Variants in STK32A observed in about 807,000 individuals in gnomAD.
STK32A encodes serine/threonine kinase 32A.
In STK32A, 41 loss-of-function variants were observed where a neutral mutation model predicts 53.2. The ratio of observed to expected loss-of-function variants is 0.77; its 90% CI spans 0.60 to 1.00. The LOEUF (loss-of-function observed/expected upper bound fraction) is 1.00. Among genes scored for constraint, STK32A ranks in the 50% least tolerant of loss-of-function variants. STK32A has a pLI of 0.00. For missense variants in STK32A, 458 were observed against 485.8 expected (o/e 0.94, Z 0.54); for synonymous variants, 166 against 162.8 (o/e 1.02, Z -0.15).
At chr5:147,313,251 T>TAAC (rs916903427) in intron 4 of STK32A, among the ~76,000 whole-genome samples, 8 of 151,470 alleles carry the variant, frequency 5.3e-5, no homozygotes, top group African/African-American at 1.9e-4. Context: ...CAAAACAAAA[T>TAAC]AACAACAACA....
the STK32A span, chr5:147,400,976 A>G: frequency 1.8e-6 from 2 of 1,116,620 alleles, no homozygotes; most frequent in Non-Finnish European, 2.4e-6. Flanking sequence ...TAGATATATG[A>G]GCTTGGATGA....
At chr5:147,334,872 TC>T (rs762758442) in intron 5 of STK32A, among the ~76,000 whole-genome samples, 2 of 152,110 alleles carry the variant, frequency 1.3e-5, no homozygotes, top group Non-Finnish European at 2.9e-5. Flanking sequence ...TACACAGTAG[TC>T]CCCCTTGATG....
At chr5:147,316,118 A>C (rs2400293) in intron 4 of STK32A, among the ~76,000 whole-genome samples, 35,500 of 152,084 alleles carry the variant, frequency 0.23, 4,290 homozygotes, top group African/African-American at 0.27. Context: ...GGTAATGTTG[A>C]TACTGTTATT....
At chr5:147,244,632 C>T (rs1333147982) in intron 2 of STK32A, among the ~76,000 whole-genome samples, 1 of 152,172 alleles carries the variant, frequency 6.6e-6, no homozygotes, top group Non-Finnish European at 1.5e-5. Flanking sequence ...TTATCAGACA[C>T]TGGAGTCAGT....
At chr5:147,263,381 T>G (rs75344408) in intron 2 of STK32A, among the ~76,000 whole-genome samples, 3,128 of 152,082 alleles carry the variant, frequency 0.021, 133 homozygotes, top group Admixed American at 0.093. Context: ...GTCTCCACAC[T>G]TAAATATGAG....
intron 5 of STK32A, among the ~76,000 whole-genome samples, chr5:147,324,737 T>C (rs1450310289): frequency 6.6e-6 from 1 of 152,186 alleles, no homozygotes; most frequent in Non-Finnish European, 1.5e-5. Flanking sequence ...AGAGCAGATA[T>C]AATTAGACTA....
chr5:147,393,801 G>A, the STK32A span: 2 of 543,246 alleles, frequency 3.7e-6, no homozygotes, highest in Non-Finnish European at 6.6e-6. Context: ...TTGCATGCAT[G>A]TAAATGGGGG....
chr5:147,262,422 C>T lies in STK32A; in HGVS notation c.53-15702C>T, dbSNP rs753572914. On this transcript the variant is annotated intron_variant, in intron 2 of 12. Coordinates refer to ENST00000397936, the MANE Select transcript of STK32A (RefSeq NM_001112724.2). ...CAGTGAATGATAAAGGGATTGGTACCTCTGGCTCCTATAGTTAGTTCATCC... is the reference window on the plus strand; with the variant it reads ...CAGTGAATGATAAAGGGATTGGTACTTCTGGCTCCTATAGTTAGTTCATCC... Among the ~76,000 whole-genome samples, 5 of 152,056 alleles carry T rather than the reference C, an allele frequency of 3.3e-5. 1 individual carries two copies. Among genetic ancestry groups the T allele is most frequent in the Non-Finnish European group, 7.4e-5 (5 of 68,016 alleles).
At chr5:147,289,838 A>G (rs1752518459) in intron 4 of STK32A, among the ~76,000 whole-genome samples, 1 of 152,060 alleles carries the variant, frequency 6.6e-6, no homozygotes, top group African/African-American at 2.4e-5. Context: ...TCTGTTTTTG[A>G]TCATGCATTA....
rs1753478358 is a variant in STK32A, at chr5:147,239,611, A to C, written c.-24A>C. The C allele has an allele frequency of 1.3e-6, 2 of 1,591,182 alleles. No individual in the cohort carries two copies. Among genetic ancestry groups the C allele is most frequent in the East Asian group, 4.5e-5 (2 of 44,630 alleles). On this transcript the variant is annotated 5_prime_UTR_variant, in exon 2 of 13. Coordinates refer to ENST00000397936, the MANE Select transcript of STK32A (RefSeq NM_001112724.2). ...TCTGCCCGGATAGTATAAATCGAGGATCCAGGTCTGGGCAGATTCAACCAT... is the reference window on the plus strand; with the variant it reads ...TCTGCCCGGATAGTATAAATCGAGGCTCCAGGTCTGGGCAGATTCAACCAT...
chr5:147,330,312 C>T (rs561619344), intron 5 of STK32A, among the ~76,000 whole-genome samples: 33 of 152,172 alleles, frequency 2.2e-4, no homozygotes, highest in African/African-American at 7.7e-4. Flanking sequence ...AGAAGAATAC[C>T]GTAGAGTAAG....
At chr5:147,337,041 C>T (rs62377743) in intron 5 of STK32A, among the ~76,000 whole-genome samples, 18,162 of 152,074 alleles carry the variant, frequency 0.12, 1,202 homozygotes, top group South Asian at 0.16. Flanking sequence ...CCAGGGGAGG[C>T]GCAATGAAGG....
At chr5:147,248,035 T>C (rs1978705) in intron 2 of STK32A, among the ~76,000 whole-genome samples, 107,386 of 151,014 alleles carry the variant, frequency 0.71, 38,327 homozygotes, top group Admixed American at 0.77. Flanking sequence ...GCAGGAGAAT[T>C]GCTTGAATGC....
At chr5:147,357,432 T>C (rs1443548771) in intron 7 of STK32A, among the ~76,000 whole-genome samples, 1 of 152,118 alleles carries the variant, frequency 6.6e-6, no homozygotes, top group East Asian at 1.9e-4. Context: ...AAGGTGTTAA[T>C]ACTTTTATCC....
At chr5:147,377,808 T>C (rs1451621659) in intron 11 of STK32A, among the ~76,000 whole-genome samples, 2 of 152,156 alleles carry the variant, frequency 1.3e-5, no homozygotes, top group African/African-American at 4.8e-5. Flanking sequence ...TTTCCGGAGT[T>C]TTGACAAAGT....
chr5:147,382,282 C>T (rs1430398456), intron 11 of STK32A, among the ~76,000 whole-genome samples: 1 of 151,974 alleles, frequency 6.6e-6, no homozygotes, highest in Non-Finnish European at 1.5e-5. Flanking sequence ...TTTTTAGTTT[C>T]TTTTTAGGTT....
chr5:147,251,806 G>A (rs1486388701), intron 2 of STK32A, among the ~76,000 whole-genome samples: 2 of 152,154 alleles, frequency 1.3e-5, no homozygotes, highest in African/African-American at 2.4e-5. Flanking sequence ...CTTCCCTGGA[G>A]TTAATCATCC....
intron 4 of STK32A, among the ~76,000 whole-genome samples, chr5:147,303,993 C>G (rs1049794047): frequency 5.3e-5 from 8 of 152,080 alleles, no homozygotes; most frequent in Admixed American, 5.2e-4. Flanking sequence ...ACGCAAGGAG[C>G]CACTAGAAAA....
At chr5:147,343,091 A>T in intron 6 of STK32A, 48 bp downstream of exon 6, 1 of 1,594,534 alleles carries the variant, frequency 6.3e-7, no homozygotes, top group Non-Finnish European at 8.6e-7. Context: ...TGCATGTAGA[A>T]AAGTTGATTG....
Sources: allele counts gnomAD v4.1 joint callset (sites outside exome capture counted in the v4.1 genomes callset), GRCh38; gene constraint gnomAD v4.1.1; transcripts MANE v1.5; gene names NCBI Gene and HGNC (gene_info 2026-07-23, HGNC 2026-07-21).